Variants in ADAMTS6 observed in about 807,000 individuals in gnomAD.
ADAMTS6 encodes the protein ADAM metallopeptidase with thrombospondin type 1 motif 6, also known as A disintegrin and metalloproteinase with thrombospondin motifs 6.
In ADAMTS6, 23 loss-of-function variants were observed where a neutral mutation model predicts 144.3. The ratio of observed to expected loss-of-function variants is 0.16; its 90% confidence interval spans 0.11 to 0.23. The LOEUF is 0.23. ADAMTS6 is among the 10% of genes least tolerant of loss of function. ADAMTS6 has a pLI of 1.00. For synonymous variants in ADAMTS6, 444 were observed against 457.5 expected, an observed-to-expected ratio of 0.97 and a Z score of 0.38; for missense variants, 999 against 1,379.6, an observed-to-expected ratio of 0.72 and a Z score of 4.37.
rs554386003 is a variant in ADAMTS6, at chr5:65,364,452, G to A, written c.1074-30367C>T. Among the ~76,000 whole-genome samples the A allele has an allele frequency of 5.9e-5, 9 of 152,000 alleles. No individual in the cohort carries two copies. In the South Asian group the frequency reaches 1.5e-3, roughly 25 times the overall value. On this transcript the variant is annotated intron_variant, in intron 7 of 24. Coordinates refer to ENST00000381055, the MANE Select transcript of ADAMTS6 (RefSeq NM_197941.4). ...GAGGATAACATAAAGAATACAATAT[G>A]AGTATGCCCCCTGGAGTTTTGAAAC... is the stretch of plus-strand genomic sequence containing the variant.
At chr5:65,162,838 A>T (rs1170881834) in intron 24 of ADAMTS6, among the ~76,000 whole-genome samples, 1 of 152,188 alleles carries the variant, frequency 6.6e-6, no homozygotes, top group Admixed American at 6.5e-5. Context: ...CATGTGATCT[A>T]TTGCTAACTT....
At chr5:65,391,044 CCAACTAGTTGAGACTATAGGCACA>C (rs1166726145) in intron 7 of ADAMTS6, among the ~76,000 whole-genome samples, 1 of 151,856 alleles carries the variant, frequency 6.6e-6, no homozygotes, top group Non-Finnish European at 1.5e-5. Context: ...CCTCAGCCCC[CCAACTAGTTGAGACTATAGGCACA>C]CACCACCACA....
chr5:65,402,694 C>T (rs188791473), intron 7 of ADAMTS6, among the ~76,000 whole-genome samples: 1 of 97,120 alleles, frequency 1.0e-5, no homozygotes, highest in Non-Finnish European at 1.9e-5. Flanking sequence ...CCAAGGACAC[C>T]CCCCCCCATA....
At chr5:65,381,198 C>T (rs941120685) in intron 7 of ADAMTS6, among the ~76,000 whole-genome samples, 10 of 152,184 alleles carry the variant, frequency 6.6e-5, no homozygotes, top group African/African-American at 2.2e-4. Context: ...CTCTCTTCCT[C>T]ACCAAAAGGT....
chr5:65,360,894 T>C (rs1749767428), intron 7 of ADAMTS6, among the ~76,000 whole-genome samples: 1 of 152,186 alleles, frequency 6.6e-6, no homozygotes, highest in African/African-American at 2.4e-5. Context: ...TTTTTACCAA[T>C]TTTTTTAATA....
intron 15 of ADAMTS6, among the ~76,000 whole-genome samples, chr5:65,228,464 G>A (rs76036017): frequency 0.022 from 3,342 of 152,224 alleles, 66 homozygotes; most frequent in Middle Eastern, 0.034. Flanking sequence ...AGTGACATCA[G>A]CAAGATGGTG....
chr5:65,436,790 G>A (rs143472363), intron 7 of ADAMTS6, among the ~76,000 whole-genome samples: 2,119 of 151,924 alleles, frequency 0.014, 22 homozygotes, highest in East Asian at 0.061. Flanking sequence ...CCCAGGAGAC[G>A]GAGATTGCAG....
chr5:65,387,502 GT>G (rs2150143100), intron 7 of ADAMTS6, among the ~76,000 whole-genome samples: 1 of 152,298 alleles, frequency 6.6e-6, no homozygotes, highest in African/African-American at 2.4e-5. Flanking sequence ...TAAGGTCGTT[GT>G]TAACTTCAGA....
Position 65,470,827 on chromosome 5 carries a change from T to C in ADAMTS6, c.413A>G (p.Gln138Arg), listed in dbSNP as rs1760380627. Residue 138 changes from glutamine to arginine, a missense_variant, in exon 3 of 25, where the codon CAA becomes CGA. Transcript: ENST00000381055. ...CACTTTAGTTGTACTACGTTGATCT[T>C]GCAAATATCCTGTGTAATGACAGTT... ...LDNCHYTGYL[Q>R]DQRSTTKVAL... is the part of the protein sequence containing the mutation. 2.5e-6 allele frequency: 4 copies of C among 1,609,188 alleles called. No homozygotes were observed. Among genetic ancestry groups the C allele is most frequent in the East Asian group, 2.2e-5 (1 of 44,692 alleles).
At chr5:65,201,869 C>T (rs922310113) in intron 20 of ADAMTS6, among the ~76,000 whole-genome samples, 2 of 152,148 alleles carry the variant, frequency 1.3e-5, no homozygotes, top group African/African-American at 2.4e-5. Context: ...ACCAAGACAA[C>T]ACTATATAAC....
chr5:65,292,197 C>T (rs909864665), intron 10 of ADAMTS6, among the ~76,000 whole-genome samples: 1 of 152,070 alleles, frequency 6.6e-6, no homozygotes, highest in South Asian at 2.1e-4. Context: ...AGACAAAATA[C>T]CTTAGTTTAA....
At chr5:65,272,336 C>A (rs149484335) in intron 12 of ADAMTS6, among the ~76,000 whole-genome samples, 16 of 152,234 alleles carry the variant, frequency 1.1e-4, no homozygotes, top group Admixed American at 7.2e-4. Context: ...CTGCTACTAT[C>A]TGTTTCAACA....
chr5:65,150,881 G>A lies in ADAMTS6; in HGVS notation c.*955C>T, dbSNP rs1055447725. The A allele has an allele frequency of 3.9e-5, 6 of 152,610 alleles. No individual in the cohort carries two copies. Among genetic ancestry groups the A allele is most frequent in the African/African-American group, 7.2e-5 (3 of 41,428 alleles). 9.5% of individuals were successfully genotyped at this position (152,610 alleles called of 1,614,324 possible). On this transcript the variant is annotated 3_prime_UTR_variant, in exon 25 of 25. Transcript: ENST00000381055. ...TCAACACACGTGCAGCAATCCAAAGGGCAGAAGCCGTGCTGTGGCTGGGGA... is the reference window on the plus strand; with the variant it reads ...TCAACACACGTGCAGCAATCCAAAGAGCAGAAGCCGTGCTGTGGCTGGGGA...
chr5:65,268,143 A>C (rs1209990606), intron 12 of ADAMTS6, among the ~76,000 whole-genome samples: 2 of 152,222 alleles, frequency 1.3e-5, no homozygotes, highest in Non-Finnish European at 2.9e-5. Flanking sequence ...GCATTTAATA[A>C]TACTATTCTA....
intron 7 of ADAMTS6, among the ~76,000 whole-genome samples, chr5:65,356,203 T>C (rs937758218): frequency 6.6e-6 from 1 of 151,906 alleles, no homozygotes; most frequent in African/African-American, 2.4e-5. Context: ...ATTTTGCAAG[T>C]TGAGAGCCAG....
At chr5:65,450,141 A>G (rs1377441582) in intron 7 of ADAMTS6, among the ~76,000 whole-genome samples, 3 of 152,178 alleles carry the variant, frequency 2.0e-5, no homozygotes, top group Non-Finnish European at 4.4e-5. Context: ...CCTTAAGTAT[A>G]TTTAAGAATA....
At chr5:65,161,238 A>G (rs1752756013) in intron 24 of ADAMTS6, among the ~76,000 whole-genome samples, 1 of 150,212 alleles carries the variant, frequency 6.7e-6, no homozygotes, top group Non-Finnish European at 1.5e-5. Context: ...GTGTCTCCCT[A>G]TGTTGCCCAG....
intron 7 of ADAMTS6, among the ~76,000 whole-genome samples, chr5:65,437,315 C>T (rs1217226129): frequency 3.9e-5 from 6 of 152,082 alleles, no homozygotes; most frequent in Non-Finnish European, 7.4e-5. Flanking sequence ...AGGATGGTCT[C>T]GATATCCTGA....
chr5:65,396,564 G>T (rs1753355027), intron 7 of ADAMTS6, among the ~76,000 whole-genome samples: 1 of 152,124 alleles, frequency 6.6e-6, no homozygotes, highest in South Asian at 2.1e-4. Context: ...AGTCACTAGA[G>T]ATTTAGAAGC....
Sources: gnomAD v4.1 joint callset for allele counts (sites outside exome capture counted in the v4.1 genomes callset) on GRCh38, gnomAD v4.1.1 for gene constraint, MANE v1.5 for transcripts, NCBI Gene and HGNC (gene_info 2026-07-23, HGNC 2026-07-21) for gene names.